Variants in TET1 observed in about 807,000 individuals in gnomAD.
TET1 encodes tet methylcytosine dioxygenase 1.
Under a neutral mutation model 148.7 loss-of-function variants are expected in TET1, and 13 were observed. The observed-to-expected ratio is 0.09, with a 90% CI of 0.06 to 0.14. The LOEUF (loss-of-function observed/expected upper bound fraction) is 0.14, where lower values mean the gene tolerates loss of function less well. Among genes scored for constraint, TET1 ranks in the 10% least tolerant of loss-of-function variants. TET1 has a pLI of 1.00. For missense variants in TET1, 2,182 were observed against 2,553.8 expected (o/e 0.85, Z 3.14); for synonymous variants, 907 against 937.2 (o/e 0.97, Z 0.59).
At chr10:68,580,776 C>T (rs1339009960) in intron 2 of TET1, among the ~76,000 whole-genome samples, 7 of 104,072 alleles carry the variant, frequency 6.7e-5, no homozygotes, top group African/African-American at 2.7e-4. Flanking sequence ...GAGCGAAACT[C>T]CATCTCAAAA....
intron 3 of TET1, among the ~76,000 whole-genome samples, chr10:68,616,335 T>C (rs1332133644): frequency 6.6e-6 from 1 of 150,386 alleles, no homozygotes; most frequent in Non-Finnish European, 1.5e-5. Context: ...TTCCCTCAAA[T>C]TGAGTTTTGC....
intron 3 of TET1, among the ~76,000 whole-genome samples, chr10:68,603,912 A>G (rs2054090256): frequency 6.6e-6 from 1 of 152,168 alleles, no homozygotes; most frequent in Non-Finnish European, 1.5e-5. Context: ...TGGCCAAAGC[A>G]CTCTAAAGGC....
chr10:68,660,890 C>T (rs534808360), intron 6 of TET1, among the ~76,000 whole-genome samples: 18 of 152,166 alleles, frequency 1.2e-4, no homozygotes, highest in African/African-American at 4.1e-4. Flanking sequence ...TCTCGAATTC[C>T]TGACTTCAGG....
chr10:68,563,297 ATC>A (rs1264163115), intron 1 of TET1, among the ~76,000 whole-genome samples: 1 of 152,250 alleles, frequency 6.6e-6, no homozygotes, highest in African/African-American at 2.4e-5. Flanking sequence ...GTAGAAAACT[ATC>A]TAGGAACAGC....
chr10:68,674,632 C>A, intron 8 of TET1: 1 of 471,530 alleles, frequency 2.1e-6, no homozygotes, highest in Non-Finnish European at 4.1e-6. Flanking sequence ...TGGATCTTAC[C>A]TGTGACAAAA....
intron 6 of TET1, 137 bp downstream of exon 6, chr10:68,652,731 C>A (rs1196796716): frequency 1.7e-6 from 1 of 584,168 alleles, no homozygotes; most frequent in African/African-American, 1.9e-5. Flanking sequence ...CTTTGTCGCC[C>A]CGGCTGGATT....
intron 1 of TET1, among the ~76,000 whole-genome samples, chr10:68,568,469 C>A (rs190031903): frequency 8.2e-4 from 124 of 151,632 alleles, no homozygotes; most frequent in African/African-American, 3.0e-3. Flanking sequence ...GTGATCTGTC[C>A]ACCTCAGGTG....
intron 3 of TET1, among the ~76,000 whole-genome samples, chr10:68,621,764 C>G (rs1036221791): frequency 1.3e-5 from 2 of 152,048 alleles, no homozygotes; most frequent in African/African-American, 4.8e-5. Context: ...AACACAAAGG[C>G]TAACCTTAGG....
intron 2 of TET1, among the ~76,000 whole-genome samples, chr10:68,578,595 T>C (rs1419005825): frequency 1.3e-5 from 2 of 152,118 alleles, no homozygotes. Flanking sequence ...GCCCCAACCA[T>C]GGCAAGGACA....
intron 3 of TET1, among the ~76,000 whole-genome samples, chr10:68,603,174 G>A (rs935148145): frequency 3.3e-5 from 5 of 152,158 alleles, no homozygotes; most frequent in African/African-American, 1.2e-4. Context: ...ATTATTTGCT[G>A]TCTTTACATT....
intron 3 of TET1, among the ~76,000 whole-genome samples, chr10:68,641,449 TCTC>T (rs2054752317): frequency 6.6e-6 from 1 of 151,890 alleles, no homozygotes; most frequent in Non-Finnish European, 1.5e-5. Flanking sequence ...AGTCTAGTGG[TCTC>T]CTATTCCCAG....
At chr10:68,652,754 T>G (rs983907896) in intron 6 of TET1, among the ~76,000 whole-genome samples, 160 bp downstream of exon 6, 1 of 151,738 alleles carries the variant, frequency 6.6e-6, no homozygotes, top group Non-Finnish European at 1.5e-5. Flanking sequence ...AGTGGTGCAA[T>G]CACACCTCAC....
At chr10:68,612,774 C>T (rs1222422263) in intron 3 of TET1, among the ~76,000 whole-genome samples, 6 of 151,978 alleles carry the variant, frequency 3.9e-5, no homozygotes, top group Admixed American at 2.6e-4. Flanking sequence ...CACACCACCA[C>T]GCCCAGCTAA....
chr10:68,654,828 T>TA (rs775987158), intron 6 of TET1, among the ~76,000 whole-genome samples: 12 of 152,264 alleles, frequency 7.9e-5, no homozygotes, highest in Admixed American at 2.6e-4. Context: ...CATAGGCTCC[T>TA]ATGAGGATGC....
At chr10:68,576,758 A>T (rs2053735698) in intron 2 of TET1, among the ~76,000 whole-genome samples, 1 of 152,136 alleles carries the variant, frequency 6.6e-6, no homozygotes, top group African/African-American at 2.4e-5. Context: ...TCTGAGACAG[A>T]GTCTCACTCT....
At chr10:68,589,104 A>G (rs1433023468) in intron 2 of TET1, among the ~76,000 whole-genome samples, 1 of 151,992 alleles carries the variant, frequency 6.6e-6, no homozygotes, top group Non-Finnish European at 1.5e-5. Flanking sequence ...ACCTGGGCAG[A>G]AGACCCTTTC....
At chr10:68,586,206 C>T (rs1393055860) in intron 2 of TET1, among the ~76,000 whole-genome samples, 1 of 152,044 alleles carries the variant, frequency 6.6e-6, no homozygotes, top group East Asian at 1.9e-4. Flanking sequence ...GAGAAGGAGT[C>T]TTGCTCTGTT....
chr10:68,677,442 A>G (rs1213571960), intron 8 of TET1, among the ~76,000 whole-genome samples: 3 of 152,224 alleles, frequency 2.0e-5, no homozygotes, highest in Non-Finnish European at 4.4e-5. Context: ...TAAATTCCCA[A>G]AGTGCTCCAT....
chr10:68,637,584 G>A (rs186409771), intron 3 of TET1, among the ~76,000 whole-genome samples: 161 of 140,730 alleles, frequency 1.1e-3, no homozygotes, highest in African/African-American at 4.0e-3. Context: ...GGAGTGCTGT[G>A]GTGCCATCTT....
Sources: allele counts gnomAD v4.1 joint callset (sites outside exome capture counted in the v4.1 genomes callset), GRCh38; gene constraint gnomAD v4.1.1; transcripts MANE v1.5; gene names NCBI Gene and HGNC (gene_info 2026-07-23, HGNC 2026-07-21).